The following PEBP4 variants were observed in gnomAD, a reference collection of about 807,000 sequenced individuals.
The protein encoded by PEBP4 is phosphatidylethanolamine-binding protein 4.
A neutral mutation model predicts 23.9 loss-of-function variants in PEBP4; 22 were observed. That is an observed-to-expected ratio of 0.92 (90% CI 0.66 to 1.31). The LOEUF (loss-of-function observed/expected upper bound fraction) is 1.31, where lower values mean the gene tolerates loss of function less well. Among genes scored for constraint, PEBP4 ranks in the 40% most tolerant of loss-of-function variants. The pLI is 0.00. For synonymous variants in PEBP4, 112 were observed against 99.3 expected (o/e 1.13, Z -0.76); for missense variants, 324 against 281.7 (o/e 1.15, Z -1.07).
intron 4 of PEBP4, chr8:22,757,500 G>C (rs1805412956): frequency 6.6e-6 from 1 of 152,400 alleles, no homozygotes; most frequent in African/African-American, 2.4e-5. Flanking sequence ...AGTCCCATAG[G>C]GGTGAAGGAC....
Position 22,775,934 on chromosome 8 carries a change from G to T in PEBP4, c.357+41703C>A, listed in dbSNP as rs1177611099. ...GGGCCATCTGTCCCTACCAGGGATG[G>T]CCAGGGTGGTCTGGGCTCACCCCTG... On this transcript the variant is annotated intron_variant, in intron 4 of 6. Coordinates refer to ENST00000256404, the MANE Select transcript of PEBP4 (RefSeq NM_144962.3). The surrounding 1 kb of genome is among the most constrained non-coding windows in gnomAD (Gnocchi z 4.8). 1.3e-5 allele frequency among the ~76,000 whole-genome samples: 2 copies of T among 152,118 alleles called. No individual in the cohort carries two copies. Among genetic ancestry groups the T allele is most frequent in the Non-Finnish European group, 2.9e-5 (2 of 68,024 alleles).
At chr8:22,742,498 G>A (rs1805018061) in intron 4 of PEBP4, among the ~76,000 whole-genome samples, 1 of 152,212 alleles carries the variant, frequency 6.6e-6, no homozygotes, top group South Asian at 2.1e-4. Context: ...TGCCCCTGCT[G>A]GACTTTGTCA....
intron 6 of PEBP4, among the ~76,000 whole-genome samples, chr8:22,717,733 T>C (rs937795374): frequency 6.6e-6 from 1 of 152,196 alleles, no homozygotes; most frequent in Admixed American, 6.5e-5. Context: ...GATCACCCTC[T>C]TCCCTGGCCT....
chr8:22,750,104 C>G lies in PEBP4; in HGVS notation c.358-22884G>C, dbSNP rs533827593. The stretch of plus-strand genomic sequence containing the variant: ...TACAGGCGTGAGCCACCGCACCCAG[C>G]CTTTCTTTCTTTTTTGAGACTGAGT... On this transcript the variant is annotated intron_variant, in intron 4 of 6. Transcript: ENST00000256404. Among the ~76,000 whole-genome samples the G allele has an allele frequency of 1.9e-4, 29 of 151,758 alleles. No homozygotes were observed. The South Asian group carries it at 5.2e-3, about 27-fold the overall frequency.
chr8:22,873,815 C>T (rs1279182207), intron 3 of PEBP4, among the ~76,000 whole-genome samples: 3 of 151,920 alleles, frequency 2.0e-5, no homozygotes, highest in South Asian at 4.2e-4. Context: ...GAATATTGAT[C>T]GGGAGGTCGG....
intron 5 of PEBP4, 25 bp from the exon 6 acceptor site, chr8:22,724,981 T>A (rs746091979): frequency 1.3e-5 from 21 of 1,573,894 alleles, no homozygotes; most frequent in Middle Eastern, 1.8e-4. Context: ...AGGAGAGAGG[T>A]GAGCATCAAC....
chr8:22,939,898 C>G (rs1353743028), intron 1 of PEBP4, among the ~76,000 whole-genome samples: 1 of 152,142 alleles, frequency 6.6e-6, no homozygotes, highest in Non-Finnish European at 1.5e-5. Flanking sequence ...GCTTGTTGGT[C>G]TCAGCAATCA....
At chr8:22,782,530 A>G (rs1192414581) in intron 4 of PEBP4, among the ~76,000 whole-genome samples, 1 of 152,218 alleles carries the variant, frequency 6.6e-6, no homozygotes, top group Non-Finnish European at 1.5e-5. Context: ...TACAGAGAGA[A>G]AAAGTCACAT....
At chr8:22,906,989 G>A (rs184206841) in intron 3 of PEBP4, among the ~76,000 whole-genome samples, 3 of 152,364 alleles carry the variant, frequency 2.0e-5, no homozygotes, top group Non-Finnish European at 4.4e-5. Flanking sequence ...GGAGGGATAA[G>A]AGGTCTCTGG....
Position 22,901,041 on chromosome 8 carries a change from G to A in PEBP4, c.258+19143C>T, listed in dbSNP as rs552560573. Among the ~76,000 whole-genome samples, 16 of 152,306 alleles carry A rather than the reference G, an allele frequency of 1.1e-4. No homozygotes were observed. The South Asian group carries it at 2.3e-3, about 22-fold the overall frequency. On this transcript the variant is annotated intron_variant, in intron 3 of 6. Transcript: ENST00000256404. ...TTAAAAATAATTTTAGCAGTTTGGG[G>A]TGGTTTTGTGTAGAAGCAATAGCCC... is the stretch of plus-strand genomic sequence containing the variant.
intron 3 of PEBP4, among the ~76,000 whole-genome samples, chr8:22,892,098 A>G (rs1487694489): frequency 6.6e-6 from 1 of 151,860 alleles, no homozygotes; most frequent in Non-Finnish European, 1.5e-5. Context: ...GAAACCAGGG[A>G]AGGAGAAAGT....
In PEBP4 at chr8:22,858,953, C is replaced by A. The variant is rs377148927; in HGVS notation, c.259-41218G>T. Among the ~76,000 whole-genome samples the A allele has an allele frequency of 4.7e-4, 71 of 152,080 alleles. 1 individual carries two copies. The highest frequency in any genetic ancestry group is 1.6e-3 in the African/African-American group (66 of 41,486). On this transcript the variant is annotated intron_variant, in intron 3 of 6. Transcript: ENST00000256404. ...CAGAATGAGACCCTGTCTCAAAAAA[C>A]AACAATAACAAAACAGAACTACACA...
chr8:22,796,395 T>A (rs1209623757), intron 4 of PEBP4, among the ~76,000 whole-genome samples: 11 of 152,172 alleles, frequency 7.2e-5, no homozygotes, highest in Admixed American at 7.2e-4. Context: ...AGCAGAGTGC[T>A]GAACTCAGAA....
At chr8:22,906,542 G>T (rs1808818335) in intron 3 of PEBP4, among the ~76,000 whole-genome samples, 1 of 152,068 alleles carries the variant, frequency 6.6e-6, no homozygotes, top group Non-Finnish European at 1.5e-5. Flanking sequence ...CCTCTGTCTT[G>T]AGTCCCACAT....
chr8:22,908,279 C>G (rs1384083849), intron 3 of PEBP4, among the ~76,000 whole-genome samples: 1 of 151,060 alleles, frequency 6.6e-6, no homozygotes, highest in Non-Finnish European at 1.5e-5. Context: ...AAGCTGGGAA[C>G]AAGAAAGGAG....
intron 4 of PEBP4, among the ~76,000 whole-genome samples, chr8:22,807,070 A>G (rs180921657): frequency 6.6e-6 from 1 of 152,200 alleles, no homozygotes; most frequent in African/African-American, 2.4e-5. Flanking sequence ...ACCAGCCTAA[A>G]TTTGGGAATC....
intron 6 of PEBP4, among the ~76,000 whole-genome samples, chr8:22,718,251 G>C (rs1247145882): frequency 4.6e-5 from 7 of 152,166 alleles, no homozygotes; most frequent in Admixed American, 1.3e-4. Context: ...TAATTATCCA[G>C]CCAGTGCATC....
intron 3 of PEBP4, among the ~76,000 whole-genome samples, chr8:22,826,204 A>G (rs867528193): frequency 1.7e-4 from 26 of 152,356 alleles, no homozygotes; most frequent in Non-Finnish European, 1.5e-5. Flanking sequence ...ACAATAAGAT[A>G]AAATAAAAAT....
intron 4 of PEBP4, among the ~76,000 whole-genome samples, chr8:22,791,230 CG>C (rs1251099200): frequency 6.6e-6 from 1 of 152,094 alleles, no homozygotes; most frequent in Non-Finnish European, 1.5e-5. Flanking sequence ...TGGAGAAGCT[CG>C]GGCTGAGGAG....
Sources: gnomAD v4.1 joint callset for allele counts (sites outside exome capture counted in the v4.1 genomes callset) on GRCh38, gnomAD v4.1.1 for gene constraint, Gnocchi (gnomAD v3.1) non-coding constraint, MANE v1.5 for transcripts, NCBI Gene and HGNC (gene_info 2026-07-23, HGNC 2026-07-21) for gene names.